BABAM2: variants seen among roughly 807,000 people sequenced by gnomAD.
BABAM2 encodes the protein BRISC and BRCA1 A complex member 2, also known as BRISC and BRCA1-A complex member 2.
In BABAM2, 31 loss-of-function variants were observed where a neutral mutation model predicts 54.7. The observed-to-expected ratio is 0.57, with a 90% CI of 0.43 to 0.77. BABAM2 has a LOEUF of 0.77. Among genes scored for constraint, BABAM2 ranks in the 30% least tolerant of loss-of-function variants. The pLI is 0.00. For missense variants in BABAM2, 364 were observed against 455.8 expected (o/e 0.80, Z 1.83); for synonymous variants, 167 against 162.9 (o/e 1.03, Z -0.19).
intron 4 of BABAM2, among the ~76,000 whole-genome samples, chr2:27,997,515 C>A (rs1013722038): frequency 1.3e-5 from 2 of 152,156 alleles, no homozygotes; most frequent in African/African-American, 4.8e-5. Context: ...ATGATTTCAT[C>A]TGTTTTCTAA....
chr2:28,136,152 T>G (rs1446715944), intron 7 of BABAM2, among the ~76,000 whole-genome samples: 1 of 152,218 alleles, frequency 6.6e-6, no homozygotes. Context: ...CATACCTTGC[T>G]CAGGCTGCTC....
chr2:28,029,055 C>A (rs1329453298), intron 5 of BABAM2, among the ~76,000 whole-genome samples: 1 of 152,184 alleles, frequency 6.6e-6, no homozygotes, highest in Non-Finnish European at 1.5e-5. Context: ...ATGTGAGCCA[C>A]CATGCCTGGC....
rs373300679 is a variant in BABAM2, at chr2:28,134,195, T to G, written c.680+4815T>G. 1.4e-3 allele frequency among the ~76,000 whole-genome samples: 124 copies of G among 88,928 alleles called. No individual in the cohort carries two copies. In the Middle Eastern group the frequency reaches 0.021, roughly 15 times the overall value. The allele number at this position is 88,928 out of a possible 152,430, so 58.3% of individuals were successfully genotyped here. ...ATTAAAAAAAAAAAAAAGTCAATGG[T>G]GAGTTATGCAAAAAAAAAAAAAAAA... On this transcript the variant is annotated intron_variant, in intron 7 of 11. Transcript: ENST00000379624.
chr2:28,037,432 T>C (rs2148593225), intron 5 of BABAM2, among the ~76,000 whole-genome samples: 2 of 152,342 alleles, frequency 1.3e-5, no homozygotes, highest in East Asian at 3.8e-4. Context: ...TTACATTGTA[T>C]AATTGAATTA....
At chr2:27,979,757 A>G (rs1357487029) in intron 3 of BABAM2, among the ~76,000 whole-genome samples, 1 of 152,170 alleles carries the variant, frequency 6.6e-6, no homozygotes, top group Non-Finnish European at 1.5e-5. Flanking sequence ...CTTAGAAACT[A>G]TGTTTTCCTG....
chr2:28,065,603 C>T (rs756713856), intron 6 of BABAM2, among the ~76,000 whole-genome samples: 3 of 152,274 alleles, frequency 2.0e-5, no homozygotes, highest in East Asian at 1.9e-4. Context: ...TGTAGTAATT[C>T]GCTAAGCTAT....
chr2:27,893,270 A>G (rs867442714), intron 1 of BABAM2, among the ~76,000 whole-genome samples: 23 of 152,150 alleles, frequency 1.5e-4, no homozygotes, highest in African/African-American at 2.9e-4. Flanking sequence ...CCCCAGCCCT[A>G]TGAGTTTCCA....
At chr2:28,162,738 G>A (rs1393549496) in intron 7 of BABAM2, among the ~76,000 whole-genome samples, 1 of 152,210 alleles carries the variant, frequency 6.6e-6, no homozygotes, top group Non-Finnish European at 1.5e-5. Context: ...CATTTTGATA[G>A]CTGTCACTGC....
intron 3 of BABAM2, among the ~76,000 whole-genome samples, chr2:27,969,307 C>T (rs746031916): frequency 1.2e-4 from 18 of 151,992 alleles, no homozygotes; most frequent in Admixed American, 5.2e-4. Context: ...AGCATGAAAA[C>T]GGACTAATAT....
intron 5 of BABAM2, among the ~76,000 whole-genome samples, chr2:28,045,412 T>A (rs1677483853): frequency 6.6e-6 from 1 of 152,198 alleles, no homozygotes; most frequent in Non-Finnish European, 1.5e-5. Context: ...ATTAAAAAAA[T>A]AATAATCATA....
At chr2:28,311,779 T>G (rs545222244) in intron 11 of BABAM2, among the ~76,000 whole-genome samples, 1 of 152,212 alleles carries the variant, frequency 6.6e-6, no homozygotes, top group Non-Finnish European at 1.5e-5. Flanking sequence ...TTTTTATTCA[T>G]GTTGAGAAAC....
At chr2:27,974,839 A>G (rs1395170912) in intron 3 of BABAM2, among the ~76,000 whole-genome samples, 1 of 152,126 alleles carries the variant, frequency 6.6e-6, no homozygotes, top group Non-Finnish European at 1.5e-5. Context: ...CTATGTAGAA[A>G]ATCCCAACGC....
chr2:28,188,734 G>A (rs936827583), intron 7 of BABAM2, among the ~76,000 whole-genome samples: 1 of 152,092 alleles, frequency 6.6e-6, no homozygotes, highest in African/African-American at 2.4e-5. Flanking sequence ...AGCTCCCAAA[G>A]GACAAGGAAG....
At position 28,285,491 on chromosome 2, in the gene BABAM2, G is replaced by T. The variant is rs962324204; in HGVS notation, c.935-12847G>T. 3.3e-5 allele frequency among the ~76,000 whole-genome samples: 5 copies of T among 152,298 alleles called. No individual in the cohort carries two copies. The East Asian group carries it at 9.6e-4, about 29-fold the overall frequency. ...GAAACTGCTTGGAAAGGATAATGTA[G>T]AAATAAAAATAGGTTAATGAAGGTT... On this transcript the variant is annotated intron_variant, in intron 10 of 11. Transcript: ENST00000379624.
chr2:28,028,808 C>T (rs542333164), intron 5 of BABAM2, among the ~76,000 whole-genome samples: 2 of 152,048 alleles, frequency 1.3e-5, no homozygotes, highest in East Asian at 1.9e-4. Context: ...ACTCTGTGGC[C>T]CAGGCTGGAG....
intron 7 of BABAM2, among the ~76,000 whole-genome samples, chr2:28,183,739 TCACACACACA>T (rs1286120518): frequency 7.5e-6 from 1 of 133,124 alleles, no homozygotes; most frequent in Admixed American, 7.5e-5. Context: ...TGGATGAAGA[TCACACACACA>T]CACACACACA....
At chr2:27,958,161 C>G (rs759441278) in intron 3 of BABAM2, among the ~76,000 whole-genome samples, 35 of 152,144 alleles carry the variant, frequency 2.3e-4, no homozygotes, top group Admixed American at 3.3e-4. Flanking sequence ...TTCTAACCCA[C>G]AGAATCTATG....
chr2:28,195,032 A>AGAAAATT lies in BABAM2; in HGVS notation c.681-42168_681-42162dup, dbSNP rs1242700329. Among the ~76,000 whole-genome samples the AGAAAATT allele has an allele frequency of 3.3e-5, 5 of 152,342 alleles. No individual in the cohort carries two copies. In the East Asian group the frequency reaches 7.7e-4, roughly 24 times the overall value. On this transcript the variant is annotated intron_variant, in intron 7 of 11. Coordinates refer to ENST00000379624, the MANE Select transcript of BABAM2 (RefSeq NM_199191.3). Reference sequence around the variant, plus strand: ...TTTAAATGGGGATCATATACCAGAGAGAAAATTGTGCTCTAGCAAGAAGAC... The same window carrying AGAAAATT: ...TTTAAATGGGGATCATATACCAGAGAGAAAATTGAAAATTGTGCTCTAGCAAGAAGAC...
intron 7 of BABAM2, among the ~76,000 whole-genome samples, chr2:28,132,308 T>G (rs1049393857): frequency 6.6e-6 from 1 of 151,776 alleles, no homozygotes; most frequent in South Asian, 2.1e-4. Context: ...CCGGCTAATT[T>G]TTTGTATTTT....
Sources: gnomAD v4.1 joint callset for allele counts (sites outside exome capture counted in the v4.1 genomes callset) on GRCh38, gnomAD v4.1.1 for gene constraint, MANE v1.5 for transcripts, NCBI Gene and HGNC (gene_info 2026-07-23, HGNC 2026-07-21) for gene names.